The following VPS35L variants were observed in gnomAD, a reference collection of about 807,000 sequenced individuals.
VPS35L encodes the protein VPS35 endosomal protein-sorting factor-like.
In VPS35L, 83 loss-of-function variants were observed where a neutral mutation model predicts 133.0. That is an observed-to-expected ratio of 0.62 (90% CI 0.52 to 0.75). The LOEUF is 0.75. Among genes scored for constraint, VPS35L ranks in the 30% least tolerant of loss-of-function variants. The pLI is 0.00. For missense variants in VPS35L, 1,083 were observed against 1,206.8 expected, an observed-to-expected ratio of 0.90 and a Z score of 1.52; for synonymous variants, 423 against 449.9, an observed-to-expected ratio of 0.94 and a Z score of 0.76.
chr16:19,677,768 C>T (rs1043169331), intron 27 of VPS35L, among the ~76,000 whole-genome samples: 1 of 152,212 alleles, frequency 6.6e-6, no homozygotes, highest in African/African-American at 2.4e-5. Context: ...TGCCCTCCCA[C>T]TATCTCTGTT....
At chr16:19,585,406 CTTT>C (rs201727936) in intron 7 of VPS35L, among the ~76,000 whole-genome samples, 7 of 138,108 alleles carry the variant, frequency 5.1e-5, no homozygotes, top group Non-Finnish European at 4.7e-5. Context: ...TTTCTTTTTT[CTTT>C]TTTTTTTTTT....
intron 1 of VPS35L, among the ~76,000 whole-genome samples, chr16:19,556,725 C>T (rs1970868051): frequency 6.6e-6 from 1 of 151,982 alleles, no homozygotes; most frequent in African/African-American, 2.4e-5. Flanking sequence ...TGTCTTATTC[C>T]TTTCATTTGC....
chr16:19,680,261 A>G (rs1548445), intron 27 of VPS35L, among the ~76,000 whole-genome samples: 26,137 of 152,162 alleles, frequency 0.17, 3,751 homozygotes, highest in African/African-American at 0.39. Context: ...TGTTGTTTTC[A>G]TAGCCACTTC....
At chr16:19,686,085 TTTCTTC>T (rs1298963573) in intron 28 of VPS35L, among the ~76,000 whole-genome samples, 1 of 152,162 alleles carries the variant, frequency 6.6e-6, no homozygotes, top group South Asian at 2.1e-4. Context: ...GGATTTTCTT[TTTCTTC>T]TTCTTAGTCC....
At chr16:19,570,864 T>C (rs1412141498) in intron 3 of VPS35L, among the ~76,000 whole-genome samples, 1 of 86,218 alleles carries the variant, frequency 1.2e-5, no homozygotes, top group Non-Finnish European at 2.1e-5. Flanking sequence ...TATATATATA[T>C]ATATATATAT....
intron 8 of VPS35L, among the ~76,000 whole-genome samples, chr16:19,594,308 C>G (rs913185586): frequency 6.6e-6 from 1 of 152,162 alleles, no homozygotes; most frequent in African/African-American, 2.4e-5. Flanking sequence ...ATCAGGCTCT[C>G]TGCAGGCCAC....
At chr16:19,628,123 G>A (rs1288461787) in intron 16 of VPS35L, among the ~76,000 whole-genome samples, 3 of 152,110 alleles carry the variant, frequency 2.0e-5, no homozygotes, top group Admixed American at 2.0e-4. Flanking sequence ...CCTATCACTT[G>A]GGAGGCCAGG....
At chr16:19,580,099 C>A (rs75876027) in intron 6 of VPS35L, among the ~76,000 whole-genome samples, 11,603 of 151,578 alleles carry the variant, frequency 0.077, 817 homozygotes, top group East Asian at 0.34. Context: ...ACTCAGGAGG[C>A]TGAAGTAGGA....
chr16:19,645,290 C>A (rs376237936), intron 23 of VPS35L, among the ~76,000 whole-genome samples: 39 of 128,464 alleles, frequency 3.0e-4, no homozygotes, highest in African/African-American at 1.1e-3. Context: ...TGTCTTTTTT[C>A]TTTTTTTTTT....
Position 19,603,404 on chromosome 16 carries a change from A to G in VPS35L, c.784+1681A>G, listed in dbSNP as rs1413838363. On this transcript the variant is annotated intron_variant, in intron 9 of 30. Transcript: ENST00000417362. ...AGACACCGGATTTCAAAGAGTCAGT[A>G]CAAGTAAAAGACGGTAAAGTAGCTC... is the stretch of plus-strand genomic sequence containing the variant. Among the ~76,000 whole-genome samples, 2 of 152,232 alleles carry G rather than the reference A, an allele frequency of 1.3e-5. 1 individual carries two copies. Among genetic ancestry groups the G allele is most frequent in the South Asian group, 4.1e-4 (2 of 4,838 alleles).
chr16:19,609,129 A>G, intron 11 of VPS35L, 108 bp downstream of exon 11: 1 of 928,490 alleles, frequency 1.1e-6, no homozygotes, highest in Non-Finnish European at 1.7e-6. Flanking sequence ...TGAGTACTTA[A>G]TGTGTGTTAA....
rs1973523384 is a variant in VPS35L at position 19,633,478 on chromosome 16, A to G, written c.1635+306A>G. Among the ~76,000 whole-genome samples, 1 of 152,224 alleles carries G rather than the reference A, an allele frequency of 6.6e-6. No individual in the cohort carries two copies. Among genetic ancestry groups the G allele is most frequent in the Admixed American group, 6.5e-5 (1 of 15,272 alleles). ...AAGCGTTGTCTTCATTGTTGTCACCAGTAAGTAAACTGCGAGTATTTTTAG... is the reference window on the plus strand; with the variant it reads ...AAGCGTTGTCTTCATTGTTGTCACCGGTAAGTAAACTGCGAGTATTTTTAG... On this transcript the variant is annotated intron_variant, in intron 19 of 30. Coordinates refer to ENST00000417362, the MANE Select transcript of VPS35L (RefSeq NM_020314.7). The surrounding 1 kb of genome is among the most constrained non-coding windows in gnomAD (Gnocchi z 4.1).
chr16:19,692,871 C>T lies in VPS35L; in HGVS notation c.2646+1400C>T, dbSNP rs184516928. ...AGCTATTGCGCCCGGCCAATATATA[C>T]CCATTCTGTCCAGGGTGTTCAAGCG... On this transcript the variant is annotated intron_variant, in intron 29 of 30. Coordinates refer to ENST00000417362, the MANE Select transcript of VPS35L (RefSeq NM_020314.7). Among the ~76,000 whole-genome samples, 47 of 152,286 alleles carry T rather than the reference C, an allele frequency of 3.1e-4. 1 individual carries two copies. The highest frequency in any genetic ancestry group is 1.5e-4 in the Non-Finnish European group (10 of 68,026).
chr16:19,597,385 AG>A (rs1157073405), intron 8 of VPS35L, among the ~76,000 whole-genome samples: 3 of 147,876 alleles, frequency 2.0e-5, no homozygotes, highest in African/African-American at 7.6e-5. Context: ...AAAAAAAAAA[AG>A]AAAGGAGGAA....
chr16:19,660,327 C>CAAA (rs550659757), intron 26 of VPS35L, among the ~76,000 whole-genome samples: 148 of 132,338 alleles, frequency 1.1e-3, no homozygotes, highest in African/African-American at 4.1e-3. Context: ...GACCCTGTCT[C>CAAA]AAAAAAAAAA....
chr16:19,655,380 G>T (rs1032861695), intron 26 of VPS35L, among the ~76,000 whole-genome samples: 2 of 152,180 alleles, frequency 1.3e-5, no homozygotes, highest in Non-Finnish European at 2.9e-5. Context: ...GAATGAGAAG[G>T]CTAAATATAA....
At chr16:19,574,133 A>G (rs1432903350) in intron 4 of VPS35L, among the ~76,000 whole-genome samples, 1 of 152,208 alleles carries the variant, frequency 6.6e-6, no homozygotes, top group Non-Finnish European at 1.5e-5. Context: ...CCCTGCTAAC[A>G]TTGTAAACAA....
rs749840125 is a variant in VPS35L, at chr16:19,659,077, C to T, written c.2221+6987C>T. ...GGTTGTATTTCTAATCCCAAGTGCA[C>T]GTGGTTGCTGGAGGTCAATTATTAC... On this transcript the variant is annotated intron_variant, in intron 26 of 30. Transcript: ENST00000417362. Among the ~76,000 whole-genome samples the T allele has an allele frequency of 6.6e-5, 10 of 152,176 alleles. 1 individual carries two copies. In the South Asian group the frequency reaches 8.3e-4, roughly 13 times the overall value.
chr16:19,588,500 G>GT (rs1442958453), intron 7 of VPS35L, among the ~76,000 whole-genome samples: 1 of 152,018 alleles, frequency 6.6e-6, no homozygotes, highest in African/African-American at 2.4e-5. Context: ...CCTGGGTGGT[G>GT]TAAGTCTTTT....
Sources: allele counts gnomAD v4.1 joint callset (sites outside exome capture counted in the v4.1 genomes callset), GRCh38; gene constraint gnomAD v4.1.1; non-coding constraint Gnocchi (gnomAD v3.1); transcripts MANE v1.5; gene names NCBI Gene and HGNC (gene_info 2026-07-23, HGNC 2026-07-21).